KSR2: variants seen among roughly 807,000 people sequenced by gnomAD.
KSR2 encodes the protein kinase suppressor of ras 2.
Under a neutral mutation model 107.8 loss-of-function variants are expected in KSR2, and 25 were observed. The ratio of observed to expected loss-of-function variants is 0.23; its 90% CI spans 0.17 to 0.32. The LOEUF is 0.32. Among genes scored for constraint, KSR2 ranks in the 10% least tolerant of loss-of-function variants. The probability of loss-of-function intolerance (pLI) is 1.00; values close to 1 mark genes in which losing one functional copy is unlikely to be tolerated. For missense variants in KSR2, 887 were observed against 1,268.9 expected (o/e 0.70, Z 4.57); for synonymous variants, 480 against 507.0 (o/e 0.95, Z 0.71).
chr12:117,936,822 T>C (rs890009540), intron 1 of KSR2, among the ~76,000 whole-genome samples: 2 of 152,084 alleles, frequency 1.3e-5, no homozygotes, highest in African/African-American at 2.4e-5. Context: ...ACCTAGAACA[T>C]TGCACGGCAC....
chr12:117,471,239 T>C lies in KSR2; in HGVS notation c.2664A>G (p.Thr888=), dbSNP rs767708278. Residue 888 remains threonine, a synonymous_variant, in exon 18 of 20, where the codon ACA becomes ACG. Coordinates refer to ENST00000339824, the MANE Select transcript of KSR2 (RefSeq NM_173598.6). ...PAEAIIWQMG[T]GMKPNLSQIG... is the part of the protein sequence containing the mutation. Reference sequence around the variant, plus strand: ...TCTGGCTGAGGTTGGGTTTCATGCCTGTGCCCATTTGCCAGATTATTGCCT... The same window carrying C: ...TCTGGCTGAGGTTGGGTTTCATGCCCGTGCCCATTTGCCAGATTATTGCCT... 6.2e-6 allele frequency: 10 copies of C among 1,613,856 alleles called. No individual in the cohort carries two copies. Among genetic ancestry groups the C allele is most frequent in the Non-Finnish European group, 8.5e-6 (10 of 1,179,874 alleles).
chr12:117,685,846 C>T (rs990263906), intron 4 of KSR2, among the ~76,000 whole-genome samples: 2 of 152,194 alleles, frequency 1.3e-5, no homozygotes, highest in Non-Finnish European at 2.9e-5. Context: ...GAATTCCTGA[C>T]CTAGCTCTGT....
chr12:117,835,747 C>T (rs1241536961), intron 3 of KSR2, among the ~76,000 whole-genome samples: 1 of 152,018 alleles, frequency 6.6e-6, no homozygotes, highest in Non-Finnish European at 1.5e-5. Flanking sequence ...TAAACATCTT[C>T]CAAGGCATGG....
chr12:117,653,747 C>G (rs758238599), intron 5 of KSR2, among the ~76,000 whole-genome samples: 10 of 152,306 alleles, frequency 6.6e-5, no homozygotes, highest in African/African-American at 2.2e-4. Flanking sequence ...CAACGCCTAG[C>G]GGGCCTATTT....
intron 14 of KSR2, among the ~76,000 whole-genome samples, chr12:117,523,002 G>A (rs559329861): frequency 6.6e-6 from 1 of 152,182 alleles, no homozygotes; most frequent in Non-Finnish European, 1.5e-5. Flanking sequence ...TTGCTTCAGA[G>A]CCACTTCTGT....
rs116498797 is a variant in KSR2 at position 117,579,884 on chromosome 12, G to A, written c.1242-682C>T. 6.3e-3 allele frequency among the ~76,000 whole-genome samples: 965 copies of A among 152,246 alleles called. 15 individuals carry two copies. The highest frequency in any genetic ancestry group is 0.021 in the African/African-American group (867 of 41,520). On this transcript the variant is annotated intron_variant, in intron 6 of 19. Transcript: ENST00000339824. ...TCCTGTGTACAGCGATAAACCAACT[G>A]GAGCAGAGGTGCATTCGATTAACTC...
intron 5 of KSR2, among the ~76,000 whole-genome samples, chr12:117,637,682 T>TTTTTTTTTTG (rs1883173895): frequency 7.7e-6 from 1 of 130,622 alleles, no homozygotes; most frequent in Admixed American, 7.7e-5. Flanking sequence ...TGGGTTTTTT[T>TTTTTTTTTTG]TTTTTTTTTT....
chr12:117,531,039 G>T, intron 11 of KSR2, 26 bp from the exon 12 acceptor site: 1 of 1,600,410 alleles, frequency 6.2e-7, no homozygotes, highest in Non-Finnish European at 8.6e-7. Context: ...TGAACACTCA[G>T]AAAAAAAATG....
At chr12:117,558,412 TATTCAGAACCA>T (rs1877855516) in intron 8 of KSR2, 83 bp downstream of exon 8, 11 of 851,232 alleles carry the variant, frequency 1.3e-5, no homozygotes, top group Non-Finnish European at 2.0e-5. Context: ...GATCAAGAGG[TATTCAGAACCA>T]ACCTGATGGG....
At chr12:117,571,206 C>T (rs546767858) in intron 7 of KSR2, among the ~76,000 whole-genome samples, 13 of 152,058 alleles carry the variant, frequency 8.5e-5, no homozygotes, top group East Asian at 7.7e-4. Flanking sequence ...TGCAGTGGGC[C>T]GAGATCATGC....
intron 1 of KSR2, among the ~76,000 whole-genome samples, chr12:117,883,627 G>A: frequency 6.6e-6 from 1 of 152,144 alleles, no homozygotes; most frequent in South Asian, 2.1e-4. Context: ...CCCTGAGGTG[G>A]GAAAGCACTT....
intron 3 of KSR2, among the ~76,000 whole-genome samples, chr12:117,846,025 C>CCAGCCTGCCCTTCCTAA (rs1349606328): frequency 1.3e-5 from 2 of 151,960 alleles, no homozygotes; most frequent in African/African-American, 2.4e-5. Context: ...AGAAATTCCA[C>CCAGCCTGCCCTTCCTAA]CAGCCTGCCC....
At chr12:117,827,710 A>C (rs1377105774) in intron 3 of KSR2, among the ~76,000 whole-genome samples, 1 of 152,194 alleles carries the variant, frequency 6.6e-6, no homozygotes, top group East Asian at 1.9e-4. Context: ...AATATTGGGC[A>C]CTTTGATAGG....
intron 9 of KSR2, among the ~76,000 whole-genome samples, chr12:117,553,004 A>T (rs1458726256): frequency 6.6e-6 from 1 of 152,226 alleles, no homozygotes; most frequent in African/African-American, 2.4e-5. Flanking sequence ...TAATAAAAGG[A>T]TGATTGTCGT....
At chr12:117,840,542 T>C (rs1262505049) in intron 3 of KSR2, among the ~76,000 whole-genome samples, 1 of 152,238 alleles carries the variant, frequency 6.6e-6, no homozygotes, top group East Asian at 2.0e-4. Flanking sequence ...ACTATTGGCA[T>C]GCACCACCAT....
intron 14 of KSR2, among the ~76,000 whole-genome samples, chr12:117,491,703 G>A (rs1872753910): frequency 6.6e-6 from 1 of 152,206 alleles, no homozygotes; most frequent in Non-Finnish European, 1.5e-5. Flanking sequence ...GGGGAGCACA[G>A]ATCTCTCTTC....
chr12:117,750,468 A>AT (rs1490497567), intron 4 of KSR2, among the ~76,000 whole-genome samples: 2 of 152,070 alleles, frequency 1.3e-5, no homozygotes, highest in African/African-American at 2.4e-5. Context: ...ACATTATAAG[A>AT]TTTTTATTTT....
At chr12:117,843,226 G>C (rs976474184) in intron 3 of KSR2, among the ~76,000 whole-genome samples, 1 of 152,174 alleles carries the variant, frequency 6.6e-6, no homozygotes, top group South Asian at 2.1e-4. Context: ...ATGAAGGAGG[G>C]AGAGAGGAAG....
At chr12:117,754,595 G>A (rs991446478) in intron 4 of KSR2, among the ~76,000 whole-genome samples, 3 of 151,490 alleles carry the variant, frequency 2.0e-5, no homozygotes, top group East Asian at 3.9e-4. Flanking sequence ...CTGAGATTGT[G>A]CCACTGCACT....
Sources: gnomAD v4.1 joint callset for allele counts (sites outside exome capture counted in the v4.1 genomes callset) on GRCh38, gnomAD v4.1.1 for gene constraint, MANE v1.5 for transcripts, NCBI Gene and HGNC (gene_info 2026-07-23, HGNC 2026-07-21) for gene names.